CTNND2: variants seen among roughly 807,000 people sequenced by gnomAD.
CTNND2 encodes the protein catenin delta 2.
In CTNND2, 22 loss-of-function variants were observed where a neutral mutation model predicts 144.4. The ratio of observed to expected loss-of-function variants is 0.15; its 90% CI spans 0.11 to 0.22. CTNND2 has a LOEUF of 0.22. Ranked by LOEUF, CTNND2 falls within the 10% of genes least tolerant of loss-of-function variation. The pLI is 1.00. For missense variants in CTNND2, 1,353 were observed against 1,618.8 expected, an observed-to-expected ratio of 0.84 and a Z score of 2.82; for synonymous variants, 751 against 695.6, an observed-to-expected ratio of 1.08 and a Z score of -1.25.
At chr5:11,201,916 C>G (rs1350050040) in intron 10 of CTNND2, among the ~76,000 whole-genome samples, 1 of 152,124 alleles carries the variant, frequency 6.6e-6, no homozygotes, top group South Asian at 2.1e-4. Context: ...GTTCATGTAC[C>G]CAGATTATAA....
chr5:11,294,810 G>T (rs1295359472), intron 9 of CTNND2, among the ~76,000 whole-genome samples: 2 of 152,072 alleles, frequency 1.3e-5, no homozygotes, highest in Non-Finnish European at 2.9e-5. Context: ...TCTCAATAAA[G>T]TAGGTACTGA....
intron 16 of CTNND2, among the ~76,000 whole-genome samples, chr5:11,049,820 C>T (rs1055706658): frequency 6.6e-6 from 1 of 152,138 alleles, no homozygotes; most frequent in Non-Finnish European, 1.5e-5. Context: ...CCATTTATAC[C>T]TCCTGGGAGT....
rs1212709085 is a variant in CTNND2 at position 11,904,150 on chromosome 5, G to C, written c.-297C>G. The C allele has an allele frequency of 6.8e-6, 1 of 146,524 alleles. No individual in the cohort carries two copies. The highest frequency in any genetic ancestry group is 2.5e-5 in the African/African-American group (1 of 40,728). The allele number at this position is 146,524 out of a possible 1,614,324, so 9.1% of individuals were successfully genotyped here. A position where few individuals can be genotyped will look rare whatever the true frequency, so the allele number is the denominator to read the frequency against. ...CTCCTGCGGGCTCCTCGGGGCTCCG[G>C]GCGCCGCCGCCAGCCGGCCGGGCTG... On this transcript the variant is annotated 5_prime_UTR_variant, in exon 1 of 22. Coordinates refer to ENST00000304623, the MANE Select transcript of CTNND2 (RefSeq NM_001332.4). This position sits in a 1 kb window ranked among gnomAD's most constrained non-coding sequence, Gnocchi z 4.2.
chr5:11,268,684 TA>T (rs1457534349), intron 9 of CTNND2, among the ~76,000 whole-genome samples: 1 of 152,198 alleles, frequency 6.6e-6, no homozygotes, highest in African/African-American at 2.4e-5. Context: ...TGTAATGGAT[TA>T]AAAAATGATG....
intron 1 of CTNND2, among the ~76,000 whole-genome samples, chr5:11,880,221 A>G (rs774908302): frequency 1.3e-5 from 2 of 152,198 alleles, no homozygotes; most frequent in Non-Finnish European, 2.9e-5. Context: ...CCAGAAATTT[A>G]TAACATATTC....
chr5:11,846,206 T>C (rs1340406989), intron 1 of CTNND2, among the ~76,000 whole-genome samples: 1 of 152,128 alleles, frequency 6.6e-6, no homozygotes, highest in African/African-American at 2.4e-5. Flanking sequence ...TGAATGTCAG[T>C]CAATAAAAAC....
intron 1 of CTNND2, among the ~76,000 whole-genome samples, chr5:11,833,726 G>T (rs1004027888): frequency 6.6e-6 from 1 of 152,042 alleles, no homozygotes; most frequent in Admixed American, 6.5e-5. Context: ...GTTTCATCAG[G>T]TTGGCCAGGC....
intron 3 of CTNND2, among the ~76,000 whole-genome samples, chr5:11,501,796 C>A (rs1217997653): frequency 6.6e-6 from 1 of 151,496 alleles, no homozygotes; most frequent in African/African-American, 2.4e-5. Flanking sequence ...ATCACAAGGT[C>A]GGGAGATTGA....
chr5:11,285,483 G>C (rs1344900911), intron 9 of CTNND2, among the ~76,000 whole-genome samples: 1 of 152,186 alleles, frequency 6.6e-6, no homozygotes, highest in Non-Finnish European at 1.5e-5. Context: ...GAAAAGACTA[G>C]AGGATAAACA....
intron 3 of CTNND2, among the ~76,000 whole-genome samples, chr5:11,534,807 T>C (rs1451557952): frequency 6.6e-6 from 1 of 152,138 alleles, no homozygotes; most frequent in Non-Finnish European, 1.5e-5. Context: ...TGTAAGTTAG[T>C]TTTTCCTCGA....
At chr5:11,212,504 TATGCCAGACA>T (rs1462244274) in intron 10 of CTNND2, among the ~76,000 whole-genome samples, 3 of 152,322 alleles carry the variant, frequency 2.0e-5, no homozygotes, top group African/African-American at 7.2e-5. Flanking sequence ...CAGGCATCAG[TATGCCAGACA>T]ATGGTGCCTC....
chr5:11,850,408 A>G (rs1794958385), intron 1 of CTNND2, among the ~76,000 whole-genome samples: 1 of 152,156 alleles, frequency 6.6e-6, no homozygotes, highest in South Asian at 2.1e-4. Flanking sequence ...CTAACAATCA[A>G]CTTCTCATTG....
At chr5:11,120,621 G>A (rs4473741) in intron 12 of CTNND2, among the ~76,000 whole-genome samples, 625 of 10,908 alleles carry the variant, frequency 0.057, no homozygotes, top group Admixed American at 0.15. Context: ...GTCTGCAGGG[G>A]TGATGAGGCT....
In CTNND2 at chr5:10,973,862, T is replaced by C; in HGVS notation, c.3418-149A>G. 1.2e-6 allele frequency: 1 copy of C among 837,812 alleles called. No individual in the cohort carries two copies. The highest frequency in any genetic ancestry group is 1.7e-6 in the Non-Finnish European group (1 of 572,410). 51.9% of individuals were successfully genotyped at this position (837,812 alleles called of 1,614,324 possible). ...GCCCTGCTTCTCCAAAACTGCCAAC[T>C]GTCATTGGCTTTCCTTTTGAAAATT... On this transcript the variant is annotated intron_variant, in intron 21 of 21. Transcript: ENST00000304623. This position sits in a 1 kb window ranked among gnomAD's most constrained non-coding sequence, Gnocchi z 5.6.
intron 9 of CTNND2, among the ~76,000 whole-genome samples, chr5:11,266,135 C>T (rs988694051): frequency 5.9e-5 from 9 of 152,128 alleles, no homozygotes; most frequent in African/African-American, 1.9e-4. Flanking sequence ...ATAACTTTTT[C>T]GTCACCTAAC....
Position 11,301,308 on chromosome 5 carries a change from C to T in CTNND2, c.1628+45064G>A, listed in dbSNP as rs572339194. 1.2e-3 allele frequency among the ~76,000 whole-genome samples: 179 copies of T among 152,164 alleles called. 1 individual carries two copies. The highest frequency in any genetic ancestry group is 1.5e-3 in the Admixed American group (23 of 15,288). ...CTGGGATTACAGTCATGAGCCACCG[C>T]GCCCGGCCCCCATCTGCTTTCTTAC... On this transcript the variant is annotated intron_variant, in intron 9 of 21. Transcript: ENST00000304623.
chr5:11,337,143 A>C (rs1049300052), intron 9 of CTNND2, among the ~76,000 whole-genome samples: 1 of 152,204 alleles, frequency 6.6e-6, no homozygotes, highest in African/African-American at 2.4e-5. Context: ...ACCACTTCCC[A>C]GAACTCTAAA....
At chr5:11,608,963 C>T (rs2126369943) in intron 2 of CTNND2, among the ~76,000 whole-genome samples, 1 of 152,274 alleles carries the variant, frequency 6.6e-6, no homozygotes, top group African/African-American at 2.4e-5. Flanking sequence ...AAGCCCCAGC[C>T]ATATGGCATT....
intron 2 of CTNND2, among the ~76,000 whole-genome samples, chr5:11,626,731 C>T (rs1319613160): frequency 1.3e-5 from 2 of 152,154 alleles, no homozygotes; most frequent in Non-Finnish European, 2.9e-5. Context: ...AATATACCTA[C>T]TCATGCTTTT....
Sources: allele counts gnomAD v4.1 joint callset (sites outside exome capture counted in the v4.1 genomes callset), GRCh38; gene constraint gnomAD v4.1.1; non-coding constraint Gnocchi (gnomAD v3.1); transcripts MANE v1.5; gene names NCBI Gene and HGNC (gene_info 2026-07-23, HGNC 2026-07-21).